CCL23: variants seen among roughly 807,000 people sequenced by gnomAD.
The protein encoded by CCL23 is C-C motif chemokine ligand 23.
CCL23 carries 10 observed loss-of-function variants against 11.8 expected under a neutral mutation model. The observed-to-expected ratio is 0.84, with a 90% CI of 0.52 to 1.43. The LOEUF (loss-of-function observed/expected upper bound fraction) is 1.43. CCL23 is among the 40% of genes most tolerant of loss of function. The pLI is 0.00. For missense variants in CCL23, 181 were observed against 170.9 expected, an observed-to-expected ratio of 1.06 and a Z score of -0.33; for synonymous variants, 60 against 61.0, an observed-to-expected ratio of 0.98 and a Z score of 0.07.
chr17:36,017,928 G>A lies in CCL23; in HGVS notation c.-31C>T. 5.0e-6 allele frequency: 8 copies of A among 1,610,828 alleles called. No homozygotes were observed. Among genetic ancestry groups the A allele is most frequent in the Non-Finnish European group, 6.8e-6 (8 of 1,178,728 alleles). Reference sequence around the variant, plus strand: ...TGGTGGGCAGGCAGGGCTGGCCGAGGACTCCTGGGCTCACTGCTTCCTGGC... The same window carrying A: ...TGGTGGGCAGGCAGGGCTGGCCGAGAACTCCTGGGCTCACTGCTTCCTGGC... On this transcript the variant is annotated 5_prime_UTR_variant, in exon 1 of 4. Coordinates refer to ENST00000615050, the MANE Select transcript of CCL23 (RefSeq NM_005064.6).
rs889969729 is a variant in CCL23, at chr17:36,014,958, A to T, written c.77-565T>A. Among the ~76,000 whole-genome samples, 14 of 67,302 alleles carry T rather than the reference A, an allele frequency of 2.1e-4. No individual in the cohort carries two copies. In the African/African-American group the frequency reaches 5.3e-3, roughly 25 times the overall value. The allele number at this position is 67,302 out of a possible 152,430, so 44.2% of individuals were successfully genotyped here. On this transcript the variant is annotated intron_variant, in intron 1 of 3. Coordinates refer to ENST00000615050, the MANE Select transcript of CCL23 (RefSeq NM_005064.6). Reference sequence around the variant, plus strand: ...ACTAAATCATTTTTAAATCGTGGTTATATATATATATATATAACGTAAAAT... The same window carrying T: ...ACTAAATCATTTTTAAATCGTGGTTTTATATATATATATATAACGTAAAAT...
At position 36,013,923 on chromosome 17, in the gene CCL23, G is replaced by A. The variant is rs1370929742; in HGVS notation, c.137-14C>T. 1 of 1,613,058 alleles carries A rather than the reference G, an allele frequency of 6.2e-7. No homozygotes were observed. The highest frequency in any genetic ancestry group is 1.3e-5 in the African/African-American group (1 of 74,924). ...TCCTCCAGAGCACTGTGGAGGGTGAGAAGGCACATGGCTCAGAAGAGATGT... is the reference window on the plus strand; with the variant it reads ...TCCTCCAGAGCACTGTGGAGGGTGAAAAGGCACATGGCTCAGAAGAGATGT... On this transcript the variant is annotated splice_polypyrimidine_tract_variant and intron_variant, in intron 2 of 3. Transcript: ENST00000615050.
chr17:36,014,857 G>T (rs1353986838), intron 1 of CCL23, among the ~76,000 whole-genome samples: 2 of 152,092 alleles, frequency 1.3e-5, no homozygotes, highest in African/African-American at 2.4e-5. Context: ...GTTACAGGAG[G>T]TTGCTGTGTT....
In CCL23 at chr17:36,013,917, G is replaced by A. The variant is rs1568482651; in HGVS notation, c.137-8C>T. ...TCTTTCTCCTCCAGAGCACTGTGGA[G>A]GGTGAGAAGGCACATGGCTCAGAAG... is the stretch of plus-strand genomic sequence containing the variant. On this transcript the variant is annotated splice_region_variant and splice_polypyrimidine_tract_variant and intron_variant, in intron 2 of 3. Transcript: ENST00000615050. 2 of 1,613,776 alleles carry A rather than the reference G, an allele frequency of 1.2e-6. No individual in the cohort carries two copies. Among genetic ancestry groups the A allele is most frequent in the Admixed American group, 3.3e-5 (2 of 60,020 alleles).
Position 36,013,305 on chromosome 17 carries a change from G to T in CCL23, c.306C>A (p.Phe102Leu). The T allele has an allele frequency of 6.2e-7, 1 of 1,607,210 alleles. No homozygotes were observed. Among genetic ancestry groups the T allele is most frequent in the Non-Finnish European group, 8.5e-7 (1 of 1,173,954 alleles). Residue 102 changes from phenylalanine to leucine, a missense_variant, in exon 4 of 4, where the codon TTC becomes TTA. Phe to Leu is a conservative substitution (Grantham distance 22, BLOSUM62 0). Coordinates refer to ENST00000615050, the MANE Select transcript of CCL23 (RefSeq NM_005064.6). ...AGAAACGTCGCCCCTTCTTGGTGAG[G>T]AAGCTAGGGAACAAGGGGGAGAAAA... is the stretch of plus-strand genomic sequence containing the variant. ...NSECSKPGVI[F>L]LTKKGRRFCA...
rs1189411720 is a variant in CCL23, at chr17:36,014,384, G to A, written c.86C>T (p.Thr29Ile). ...TGGAAGCTTTGACATCATGAACTCT[G>A]TCTCTGCATCTGGAAGAAGCAGACA... ...SQARVTKDAE[T>I]EFMMSKLPLE... Residue 29 changes from threonine to isoleucine, a missense_variant, in exon 2 of 4, where the codon ACA (threonine) becomes ATA (isoleucine). Transcript: ENST00000615050. 1 of 1,613,240 alleles carries A rather than the reference G, an allele frequency of 6.2e-7. No homozygotes were observed. The highest frequency in any genetic ancestry group is 8.5e-7 in the Non-Finnish European group (1 of 1,179,184).
At chr17:36,014,635 A>ATTT (rs2090084790) in intron 1 of CCL23, among the ~76,000 whole-genome samples, 1 of 152,194 alleles carries the variant, frequency 6.6e-6, no homozygotes, top group Non-Finnish European at 1.5e-5. Context: ...TGAAATACTA[A>ATTT]AAGAAACCTC....
chr17:36,015,812 G>A (rs572726513), intron 1 of CCL23, among the ~76,000 whole-genome samples: 68 of 152,122 alleles, frequency 4.5e-4, no homozygotes, highest in East Asian at 3.5e-3. Context: ...CAAGGCGGGC[G>A]GATCACTTGA....
Position 36,014,312 on chromosome 17 carries a change from T to C in CCL23, c.136+22A>G. ...TGCACCTGCTGGCTGCTTTTAAATATATGCCGTATCTGATCACTTACTGTC... is the reference window on the plus strand; with the variant it reads ...TGCACCTGCTGGCTGCTTTTAAATACATGCCGTATCTGATCACTTACTGTC... On this transcript the variant is annotated intron_variant, in intron 2 of 3. Coordinates refer to ENST00000615050, the MANE Select transcript of CCL23 (RefSeq NM_005064.6). 6.3e-7 allele frequency: 1 copy of C among 1,579,378 alleles called. No individual in the cohort carries two copies. Among genetic ancestry groups the C allele is most frequent in the Non-Finnish European group, 8.7e-7 (1 of 1,148,170 alleles).
chr17:36,014,549 C>G (rs1162388526), intron 1 of CCL23, among the ~76,000 whole-genome samples, 156 bp from the exon 2 acceptor site: 2 of 152,098 alleles, frequency 1.3e-5, no homozygotes, highest in African/African-American at 2.4e-5. Context: ...GACTCCTGGC[C>G]CATTTATTCC....
At chr17:36,013,688 C>G (rs765666000) in intron 3 of CCL23, 56 bp downstream of exon 3, 37 of 1,576,710 alleles carry the variant, frequency 2.3e-5, no homozygotes, top group Admixed American at 6.7e-5. Context: ...GTCCTCCCTG[C>G]AAGATGCTAC....
At chr17:36,013,579 G>T in intron 3 of CCL23, 165 bp downstream of exon 3, 1 of 667,638 alleles carries the variant, frequency 1.5e-6, no homozygotes, top group African/African-American at 1.8e-5. Flanking sequence ...CCCTGGGAGT[G>T]TCTCATCCCC....
At position 36,013,881 on chromosome 17, in the gene CCL23, C is replaced by A. The variant is rs766323126; in HGVS notation, c.165G>T (p.Gln55His). Reference protein sequence around the residue: ...DMLWRRKIGPQMTLSHAAGFH... With the variant: ...DMLWRRKIGPHMTLSHAAGFH... ...ATCCTGCAGCATGAGAAAGGGTCAT[C>A]TGAGGACCAATCTTTCTCCTCCAGA... The change falls in exon 3 of 4, where the codon CAG becomes CAT. Residue 55 changes from glutamine (Q) to histidine (H), a missense_variant. Coordinates refer to ENST00000615050, the MANE Select transcript of CCL23 (RefSeq NM_005064.6). The A allele has an allele frequency of 6.2e-7, 1 of 1,614,204 alleles. No individual in the cohort carries two copies. Among genetic ancestry groups the A allele is most frequent in the Non-Finnish European group, 8.5e-7 (1 of 1,180,030 alleles).
At chr17:36,015,545 A>T (rs192128202) in intron 1 of CCL23, among the ~76,000 whole-genome samples, 282 of 152,328 alleles carry the variant, frequency 1.9e-3, no homozygotes, top group African/African-American at 6.4e-3. Flanking sequence ...GCATCATATC[A>T]TATTAACTTT....
rs372587561 is a variant in CCL23, at chr17:36,013,177, G to A, written c.*20C>T. ...AGAAAGTTGGTGGCTGGCAACTTGTGTCCCTTCACCTTGACAAGTTCAATT... is the reference window on the plus strand; with the variant it reads ...AGAAAGTTGGTGGCTGGCAACTTGTATCCCTTCACCTTGACAAGTTCAATT... On this transcript the variant is annotated 3_prime_UTR_variant, in exon 4 of 4. Transcript: ENST00000615050. 7.1e-5 allele frequency: 104 copies of A among 1,474,558 alleles called. No homozygotes were observed. Among genetic ancestry groups the A allele is most frequent in the Admixed American group, 2.2e-4 (13 of 59,168 alleles). 91.3% of individuals were successfully genotyped at this position (1,474,558 alleles called of 1,614,324 possible). A position where few individuals can be genotyped will look rare whatever the true frequency, so the allele number is the denominator to read the frequency against.
rs1237583692 is a variant in CCL23, at chr17:36,013,727, G to C, written c.302+17C>G. ...GTCCTTCTCCCTCAACACATGTTTG[G>C]TGAGCTTGGCACCTACATGACACCC... On this transcript the variant is annotated intron_variant, in intron 3 of 3. Coordinates refer to ENST00000615050, the MANE Select transcript of CCL23 (RefSeq NM_005064.6). The C allele has an allele frequency of 1.9e-6, 3 of 1,613,604 alleles. No homozygotes were observed.
intron 1 of CCL23, among the ~76,000 whole-genome samples, chr17:36,016,790 A>T (rs1489313087): frequency 6.7e-6 from 1 of 150,000 alleles, no homozygotes; most frequent in Non-Finnish European, 1.5e-5. Context: ...ATGACTATGC[A>T]TTTAATATAA....
intron 1 of CCL23, 45 bp downstream of exon 1, chr17:36,017,776 AG>A: frequency 6.4e-7 from 1 of 1,566,696 alleles, no homozygotes; most frequent in South Asian, 1.1e-5. Flanking sequence ...ACAGAGCTTG[AG>A]TTACCATGAA....
At chr17:36,014,048 G>C in intron 2 of CCL23, 139 bp from the exon 3 acceptor site, 1 of 837,476 alleles carries the variant, frequency 1.2e-6, no homozygotes, top group Non-Finnish European at 1.8e-6. Context: ...GCCAGAGCAG[G>C]ACCAGGAAAA....
Sources: allele counts gnomAD v4.1 joint callset (sites outside exome capture counted in the v4.1 genomes callset), GRCh38; gene constraint gnomAD v4.1.1; transcripts MANE v1.5; gene names NCBI Gene and HGNC (gene_info 2026-07-23, HGNC 2026-07-21).